The following BMPR1B variants were observed in gnomAD, a reference collection of about 807,000 sequenced individuals.
The protein encoded by BMPR1B is bone morphogenetic protein receptor type 1B, also known as bone morphogenetic protein receptor type-1B.
Under a neutral mutation model 59.1 loss-of-function variants are expected in BMPR1B, and 12 were observed. The observed-to-expected ratio is 0.20, with a 90% confidence interval of 0.13 to 0.33. BMPR1B has a LOEUF of 0.33. Ranked by LOEUF, BMPR1B falls within the 10% of genes least tolerant of loss-of-function variation. BMPR1B has a pLI of 1.00. For missense variants in BMPR1B, 550 were observed against 610.9 expected, an observed-to-expected ratio of 0.90 and a Z score of 1.05; for synonymous variants, 237 against 207.3, an observed-to-expected ratio of 1.14 and a Z score of -1.23.
At chr4:94,760,629 CCT>C (rs1721722829) in intron 1 of BMPR1B, among the ~76,000 whole-genome samples, 1 of 152,194 alleles carries the variant, frequency 6.6e-6, no homozygotes, top group African/African-American at 2.4e-5. Flanking sequence ...ACTGCCTCTG[CCT>C]CTCAGGCTTC....
Position 95,156,270 on chromosome 4 carries a change from A to G in BMPR1B, c.*1597A>G, listed in dbSNP as rs1189207061. 6.6e-6 allele frequency: 1 copy of G among 151,316 alleles called. No individual in the cohort carries two copies. Among genetic ancestry groups the G allele is most frequent in the Non-Finnish European group, 1.5e-5 (1 of 67,894 alleles). 9.4% of individuals were successfully genotyped at this position (151,316 alleles called of 1,614,324 possible). On this transcript the variant is annotated 3_prime_UTR_variant, in exon 13 of 13. Coordinates refer to ENST00000515059, the MANE Select transcript of BMPR1B (RefSeq NM_001203.3). The stretch of plus-strand genomic sequence containing the variant: ...CTGTGGTTTTCTTTTGCTTCTTAGA[A>G]ATTCTGTTAGTGGTTAGTAAAGAAT...
chr4:95,036,480 G>A (rs938187369), intron 3 of BMPR1B, among the ~76,000 whole-genome samples: 6 of 151,978 alleles, frequency 3.9e-5, no homozygotes, highest in Admixed American at 3.9e-4. Context: ...GTCTTTCTGT[G>A]GCTGGCTTAT....
At chr4:94,940,748 A>G (rs1729480502) in intron 2 of BMPR1B, among the ~76,000 whole-genome samples, 2 of 152,094 alleles carry the variant, frequency 1.3e-5, no homozygotes, top group African/African-American at 2.4e-5. Context: ...ACCAAGCTCT[A>G]TTACTTCTTC....
intron 1 of BMPR1B, among the ~76,000 whole-genome samples, chr4:94,859,520 G>T (rs1725896044): frequency 6.6e-6 from 1 of 152,064 alleles, no homozygotes. Context: ...TACTAGTTAA[G>T]ACATTATTTC....
intron 1 of BMPR1B, among the ~76,000 whole-genome samples, chr4:94,768,543 CAAAA>C (rs1016021674): frequency 6.6e-6 from 1 of 152,090 alleles, no homozygotes; most frequent in East Asian, 1.9e-4. Context: ...TGCACTTAAT[CAAAA>C]AACACTATTT....
At chr4:95,056,094 CAACT>C (rs767105708) in intron 3 of BMPR1B, among the ~76,000 whole-genome samples, 3 of 152,142 alleles carry the variant, frequency 2.0e-5, no homozygotes, top group Admixed American at 2.0e-4. Flanking sequence ...AAAATATTGA[CAACT>C]AATTATAGAA....
chr4:94,794,267 A>C (rs1390757828), intron 1 of BMPR1B, among the ~76,000 whole-genome samples: 4 of 148,478 alleles, frequency 2.7e-5, no homozygotes, highest in Admixed American at 6.7e-5. Context: ...ACCATTTATT[A>C]AATAGGGAAT....
In BMPR1B at chr4:94,804,382, C is replaced by T. The variant is rs530428325; in HGVS notation, c.-183+46314C>T. On this transcript the variant is annotated intron_variant, in intron 1 of 12. Coordinates refer to ENST00000515059, the MANE Select transcript of BMPR1B (RefSeq NM_001203.3). ...TTATTAAAGATTCTGAGAAATTGTG[C>T]GGTAGGAAAAGAGGATCTGTTAAAT... Among the ~76,000 whole-genome samples, 20 of 152,012 alleles carry T rather than the reference C, an allele frequency of 1.3e-4. No homozygotes were observed. In the East Asian group the frequency reaches 2.7e-3, roughly 21 times the overall value.
intron 2 of BMPR1B, among the ~76,000 whole-genome samples, chr4:94,956,673 G>T (rs1730152174): frequency 6.6e-6 from 1 of 152,122 alleles, no homozygotes; most frequent in South Asian, 2.1e-4. Context: ...AACTTTAACA[G>T]ATTTAGTGTG....
At chr4:95,133,504 C>A (rs936366084) in intron 10 of BMPR1B, among the ~76,000 whole-genome samples, 1 of 152,200 alleles carries the variant, frequency 6.6e-6, no homozygotes, top group African/African-American at 2.4e-5. Context: ...ATTACCCGAA[C>A]ACCCATATCC....
At chr4:94,915,056 T>C (rs1259477913) in intron 2 of BMPR1B, among the ~76,000 whole-genome samples, 1 of 152,166 alleles carries the variant, frequency 6.6e-6, no homozygotes, top group Non-Finnish European at 1.5e-5. Flanking sequence ...TGATTAAAGA[T>C]GATTTATCCC....
intron 3 of BMPR1B, among the ~76,000 whole-genome samples, chr4:95,045,294 A>G (rs577257217): frequency 6.6e-6 from 1 of 152,340 alleles, no homozygotes; most frequent in African/African-American, 2.4e-5. Flanking sequence ...TTCCCTTGAA[A>G]TATAATGAGC....
At chr4:95,100,849 G>A (rs994318167) in intron 3 of BMPR1B, among the ~76,000 whole-genome samples, 1 of 152,044 alleles carries the variant, frequency 6.6e-6, no homozygotes, top group African/African-American at 2.4e-5. Context: ...ACGTGTTCTT[G>A]TTTCATGATA....
chr4:95,050,697 C>T (rs188477613), intron 3 of BMPR1B, among the ~76,000 whole-genome samples: 2 of 152,244 alleles, frequency 1.3e-5, no homozygotes, highest in African/African-American at 4.8e-5. Context: ...AATACATTTG[C>T]TACTCTACTC....
chr4:95,056,066 C>T (rs561003718), intron 3 of BMPR1B, among the ~76,000 whole-genome samples: 2 of 152,130 alleles, frequency 1.3e-5, no homozygotes, highest in African/African-American at 2.4e-5. Flanking sequence ...AGAATTTGAA[C>T]AAATCCTCAA....
At chr4:95,148,410 G>GT (rs200271011) in intron 10 of BMPR1B, among the ~76,000 whole-genome samples, 2,671 of 148,114 alleles carry the variant, frequency 0.018, 75 homozygotes, top group African/African-American at 0.061. Context: ...TATCTTCATT[G>GT]TTTTTTTTTT....
intron 2 of BMPR1B, among the ~76,000 whole-genome samples, chr4:94,982,512 A>G (rs1530459): frequency 0.96 from 145,529 of 152,282 alleles, 69,571 homozygotes; most frequent in Middle Eastern, 0.99. Flanking sequence ...GAATACTGGC[A>G]TCTGCCTTTT....
chr4:95,006,660 G>C (rs1722858925), intron 3 of BMPR1B, among the ~76,000 whole-genome samples: 1 of 150,616 alleles, frequency 6.6e-6, no homozygotes, highest in South Asian at 2.1e-4. Context: ...TCCTGCCTCA[G>C]CCTCCCCAGT....
chr4:94,982,704 A>G (rs941825515), intron 2 of BMPR1B, among the ~76,000 whole-genome samples: 3 of 152,122 alleles, frequency 2.0e-5, no homozygotes, highest in Admixed American at 6.5e-5. Flanking sequence ...ATTAAAAAAA[A>G]TTTGTCAGCC....
Sources: allele counts gnomAD v4.1 joint callset (sites outside exome capture counted in the v4.1 genomes callset), GRCh38; gene constraint gnomAD v4.1.1; transcripts MANE v1.5; gene names NCBI Gene and HGNC (gene_info 2026-07-23, HGNC 2026-07-21).